TNIP1: variants seen among roughly 807,000 people sequenced by gnomAD.
The protein encoded by TNIP1 is TNFAIP3 interacting protein 1.
Under a neutral mutation model 86.6 loss-of-function variants are expected in TNIP1, and 22 were observed. That is an observed-to-expected ratio of 0.25 (90% CI 0.18 to 0.36). The LOEUF is 0.36. Ranked by LOEUF, TNIP1 falls within the 10% of genes least tolerant of loss-of-function variation. The pLI, the probability that TNIP1 is intolerant of heterozygous loss-of-function variation, is 1.00. For missense variants in TNIP1, 709 were observed against 820.6 expected (o/e 0.86, Z 1.66); for synonymous variants, 294 against 313.0 (o/e 0.94, Z 0.64).
At chr5:151,046,798 T>C (rs1267209634) in intron 8 of TNIP1, among the ~76,000 whole-genome samples, 2 of 152,224 alleles carry the variant, frequency 1.3e-5, no homozygotes, top group Non-Finnish European at 2.9e-5. Context: ...TATTGGATTA[T>C]AAGTCACAGT....
rs769812772 is a variant in TNIP1 at position 151,033,901 on chromosome 5, G to A, written c.1588-102C>T. 9.8e-4 allele frequency: 1,075 copies of A among 1,098,532 alleles called. 3 individuals carry two copies. The highest frequency in any genetic ancestry group is 1.2e-3 in the Non-Finnish European group (990 of 813,566). 68.0% of individuals were successfully genotyped at this position (1,098,532 alleles called of 1,614,324 possible). A position where few individuals can be genotyped will look rare whatever the true frequency, so the allele number is the denominator to read the frequency against. On this transcript the variant is annotated intron_variant, in intron 15 of 17. Coordinates refer to ENST00000521591, the MANE Select transcript of TNIP1 (RefSeq NM_006058.5). ...AATGTTAGCTCTCTGAAGGCTAGCA[G>A]GCTGGGTACCAAAGGCTGGTATGTG...
chr5:151,047,236 G>A (rs993008710), intron 8 of TNIP1, among the ~76,000 whole-genome samples: 12 of 152,316 alleles, frequency 7.9e-5, no homozygotes, highest in Non-Finnish European at 1.3e-4. Flanking sequence ...TACACAGAAC[G>A]TCACCTCCGT....
At chr5:151,035,304 G>A (rs1432103383) in intron 14 of TNIP1, among the ~76,000 whole-genome samples, 2 of 152,224 alleles carry the variant, frequency 1.3e-5, no homozygotes, top group Non-Finnish European at 2.9e-5. Context: ...CGTGAACCTC[G>A]CTGCTTCTCT....
intron 2 of TNIP1, among the ~76,000 whole-genome samples, chr5:151,064,142 G>A (rs766873526): frequency 3.9e-5 from 6 of 152,222 alleles, no homozygotes; most frequent in South Asian, 2.1e-4. Flanking sequence ...CCTGCAGGGC[G>A]GAGACCTTGG....
In TNIP1 at chr5:151,064,951, C is replaced by G. The variant is rs1762053729; in HGVS notation, c.136+9G>C. On this transcript the variant is annotated intron_variant, in intron 2 of 17. Transcript: ENST00000521591. ...GGCGCTCGCAGGGAGGGGACAGGGT[C>G]TGCTTTACCTAACATCTTTATCCCT... 6.2e-7 allele frequency: 1 copy of G among 1,613,984 alleles called. No individual in the cohort carries two copies. Among genetic ancestry groups the G allele is most frequent in the Non-Finnish European group, 8.5e-7 (1 of 1,180,008 alleles).
chr5:151,076,809 G>A (rs1248196724), intron 1 of TNIP1, among the ~76,000 whole-genome samples: 1 of 152,196 alleles, frequency 6.6e-6, no homozygotes, highest in Admixed American at 6.5e-5. Context: ...CCTGATCCCA[G>A]GGGTCGGGGT....
At chr5:151,073,033 C>T (rs1214181376) in intron 1 of TNIP1, among the ~76,000 whole-genome samples, 1 of 151,964 alleles carries the variant, frequency 6.6e-6, no homozygotes, top group Non-Finnish European at 1.5e-5. Flanking sequence ...ATCAGCCTGG[C>T]CAACATGGCA....
chr5:151,036,485 T>C (rs1311770416), intron 13 of TNIP1, among the ~76,000 whole-genome samples: 2 of 152,380 alleles, frequency 1.3e-5, no homozygotes, highest in East Asian at 3.9e-4. Flanking sequence ...TTTTTCCAAT[T>C]ACAGCAGTGA....
intron 13 of TNIP1, among the ~76,000 whole-genome samples, chr5:151,036,170 T>C (rs912233128): frequency 2.0e-5 from 3 of 152,124 alleles, no homozygotes; most frequent in Non-Finnish European, 2.9e-5. Flanking sequence ...TTCACATCCT[T>C]AGTGCAGATC....
At chr5:151,050,762 AC>A (rs1208112440) in intron 7 of TNIP1, among the ~76,000 whole-genome samples, 1 of 150,920 alleles carries the variant, frequency 6.6e-6, no homozygotes, top group Non-Finnish European at 1.5e-5. Flanking sequence ...GCCACCCCCA[AC>A]CTCCCCCACC....
chr5:151,083,180 C>T (rs1581956020), upstream of TNIP1, among the ~76,000 whole-genome samples: 1 of 152,344 alleles, frequency 6.6e-6, no homozygotes, highest in East Asian at 1.9e-4. Flanking sequence ...CAGCCACTTA[C>T]TACCTGGGTG....
At chr5:151,059,832 T>C (rs865845168) in intron 5 of TNIP1, among the ~76,000 whole-genome samples, 2 of 74,970 alleles carry the variant, frequency 2.7e-5, no homozygotes, top group Admixed American at 2.8e-4. Context: ...AGAGAGAGTG[T>C]GTGTGTGTGT....
chr5:151,070,891 A>G (rs1289050194), intron 1 of TNIP1, among the ~76,000 whole-genome samples: 1 of 152,000 alleles, frequency 6.6e-6, no homozygotes, highest in Non-Finnish European at 1.5e-5. Context: ...AACCCATAGA[A>G]CATACACCAC....
intron 16 of TNIP1, among the ~76,000 whole-genome samples, chr5:151,033,269 G>C (rs1388848095): frequency 6.6e-6 from 1 of 152,008 alleles, no homozygotes; most frequent in African/African-American, 2.4e-5. Context: ...CTGGAACCTA[G>C]TTACACGTGG....
chr5:151,062,342 G>A, intron 3 of TNIP1, 130 bp from the exon 4 acceptor site: 3 of 815,976 alleles, frequency 3.7e-6, no homozygotes, highest in South Asian at 3.1e-5. Flanking sequence ...GAGAATGGGA[G>A]GTGGTCTCAT....
intron 7 of TNIP1, among the ~76,000 whole-genome samples, chr5:151,050,536 G>A (rs1165619576): frequency 6.6e-6 from 1 of 152,198 alleles, no homozygotes; most frequent in African/African-American, 2.4e-5. Flanking sequence ...TAAGTAAAAA[G>A]ATGAATCAAA....
At chr5:151,038,988 C>A in intron 12 of TNIP1, 109 bp downstream of exon 12, 1 of 1,431,722 alleles carries the variant, frequency 7.0e-7, no homozygotes, top group Non-Finnish European at 9.3e-7. Flanking sequence ...AGCTCACTGA[C>A]TGGGGGTTAC....
At chr5:151,042,489 C>A (rs1248822653) in intron 11 of TNIP1, 51 bp downstream of exon 11, 1 of 1,592,176 alleles carries the variant, frequency 6.3e-7, no homozygotes, top group Non-Finnish European at 8.5e-7. Flanking sequence ...ACAGAACTCT[C>A]CGCTAATGTG....
intron 4 of TNIP1, 40 bp downstream of exon 4, chr5:151,062,087 A>G (rs763569125): frequency 1.3e-6 from 2 of 1,590,544 alleles, no homozygotes; most frequent in Non-Finnish European, 1.7e-6. Context: ...CTTGAGGTCC[A>G]TCCAGGCAAC....
Sources: allele counts gnomAD v4.1 joint callset (sites outside exome capture counted in the v4.1 genomes callset), GRCh38; gene constraint gnomAD v4.1.1; transcripts MANE v1.5; gene names NCBI Gene and HGNC (gene_info 2026-07-23, HGNC 2026-07-21).